The following CLASP2 variants were observed in gnomAD, a reference collection of about 807,000 sequenced individuals.
CLASP2 encodes the protein CLIP-associating protein 2.
Under a neutral mutation model 194.4 loss-of-function variants are expected in CLASP2, and 47 were observed. That is an observed-to-expected ratio of 0.24 (90% confidence interval 0.19 to 0.31). The LOEUF (loss-of-function observed/expected upper bound fraction) is 0.31. Ranked by LOEUF, CLASP2 falls within the 10% of genes least tolerant of loss-of-function variation. The probability of loss-of-function intolerance (pLI) is 1.00; values close to 1 mark genes in which losing one functional copy is unlikely to be tolerated. For missense variants in CLASP2, 1,445 were observed against 1,823.6 expected, an observed-to-expected ratio of 0.79 and a Z score of 3.78; for synonymous variants, 619 against 633.5, an observed-to-expected ratio of 0.98 and a Z score of 0.34.
chr3:33,674,797 T>C (rs2088178015), intron 6 of CLASP2, among the ~76,000 whole-genome samples: 1 of 152,258 alleles, frequency 6.6e-6, no homozygotes, highest in South Asian at 2.1e-4. Context: ...CATCAGAGCA[T>C]ACTACAAACA....
At chr3:33,581,978 A>G in intron 22 of CLASP2, 50 bp from the exon 23 acceptor site, 2 of 1,335,252 alleles carry the variant, frequency 1.5e-6, no homozygotes, top group Non-Finnish European at 1.1e-6. Context: ...AACAGAACAG[A>G]GTTTGCATTT....
At position 33,529,984 on chromosome 3, in the gene CLASP2, C is replaced by CAAAAAAA. The variant is rs1169927619; in HGVS notation, c.3787+5242_3787+5248dup. Among the ~76,000 whole-genome samples the CAAAAAAA allele has an allele frequency of 6.2e-5, 2 of 32,242 alleles. 1 individual carries two copies. The highest frequency in any genetic ancestry group is 2.1e-4 in the African/African-American group (2 of 9,666). 21.2% of individuals were successfully genotyped at this position (32,242 alleles called of 152,430 possible). A position where few individuals can be genotyped will look rare whatever the true frequency, so the allele number is the denominator to read the frequency against. Reference sequence around the variant, plus strand: ...TGGGCGACAGAGCGAGACTCCGTCTCAAAAAAAAAAAAAAAAAAAAAAAAA... The same window carrying CAAAAAAA: ...TGGGCGACAGAGCGAGACTCCGTCTCAAAAAAAAAAAAAAAAAAAAAAAAAAAAAAAA... On this transcript the variant is annotated intron_variant, in intron 34 of 38. Transcript: ENST00000682230.
intron 7 of CLASP2, among the ~76,000 whole-genome samples, chr3:33,662,048 GTCT>G (rs2085387322): frequency 5.9e-5 from 9 of 152,154 alleles, no homozygotes; most frequent in Admixed American, 3.3e-4. Flanking sequence ...AATCTTTGAA[GTCT>G]TCTTCAAAAA....
chr3:33,687,277 G>A (rs1168760533), intron 4 of CLASP2, 142 bp from the exon 5 acceptor site: 1 of 563,100 alleles, frequency 1.8e-6, no homozygotes, highest in Non-Finnish European at 3.2e-6. Context: ...TGAAGGATAT[G>A]AGACATAAGC....
intron 7 of CLASP2, among the ~76,000 whole-genome samples, chr3:33,653,913 C>T (rs1264825539): frequency 4.0e-5 from 6 of 151,602 alleles, no homozygotes; most frequent in Non-Finnish European, 7.4e-5. Context: ...AATAAAATAA[C>T]TCAAAAGGGT....
intron 13 of CLASP2, among the ~76,000 whole-genome samples, chr3:33,610,815 T>C (rs943801403): frequency 6.6e-6 from 1 of 152,244 alleles, no homozygotes; most frequent in Non-Finnish European, 1.5e-5. Context: ...AAGACAGAGA[T>C]GACTGAACAA....
intron 7 of CLASP2, among the ~76,000 whole-genome samples, chr3:33,661,587 T>C (rs185227903): frequency 5.9e-5 from 9 of 152,348 alleles, no homozygotes; most frequent in Non-Finnish European, 1.0e-4. Flanking sequence ...CTAAAATGGC[T>C]AAGACTGGAG....
chr3:33,593,172 A>G (rs2069243147), intron 20 of CLASP2, among the ~76,000 whole-genome samples: 1 of 152,108 alleles, frequency 6.6e-6, no homozygotes. Context: ...CCCCTCCACA[A>G]AACTAGGCCA....
intron 6 of CLASP2, among the ~76,000 whole-genome samples, chr3:33,670,986 A>T (rs931162200): frequency 1.3e-5 from 2 of 152,212 alleles, no homozygotes; most frequent in African/African-American, 4.8e-5. Flanking sequence ...CTGGGGTTTT[A>T]TCAGAGCCTA....
intron 9 of CLASP2, among the ~76,000 whole-genome samples, chr3:33,627,435 C>A (rs887828680): frequency 1.3e-5 from 2 of 152,076 alleles, no homozygotes; most frequent in African/African-American, 4.8e-5. Context: ...ATACATATTA[C>A]CCAATATTAC....
intron 8 of CLASP2, among the ~76,000 whole-genome samples, chr3:33,632,583 G>A (rs756951817): frequency 5.4e-5 from 8 of 149,416 alleles, no homozygotes; most frequent in Non-Finnish European, 8.9e-5. Context: ...TAGGCTAGGC[G>A]GGTTGTAATA....
At chr3:33,610,656 G>A (rs1279773499) in intron 13 of CLASP2, among the ~76,000 whole-genome samples, 1 of 152,174 alleles carries the variant, frequency 6.6e-6, no homozygotes, top group Non-Finnish European at 1.5e-5. Flanking sequence ...ACCACATACA[G>A]TCTCTGTCTC....
intron 34 of CLASP2, among the ~76,000 whole-genome samples, chr3:33,530,684 C>T (rs2056079339): frequency 6.6e-6 from 1 of 152,122 alleles, no homozygotes; most frequent in Non-Finnish European, 1.5e-5. Context: ...TTTTTAGCTC[C>T]ATTTTAATCT....
chr3:33,551,449 T>A, intron 29 of CLASP2, 54 bp from the exon 30 acceptor site: 2 of 1,518,298 alleles, frequency 1.3e-6, no homozygotes, highest in Non-Finnish European at 1.8e-6. Context: ...TGTGAGACAC[T>A]AGAGAACATT....
intron 7 of CLASP2, among the ~76,000 whole-genome samples, chr3:33,658,492 A>G (rs577436339): frequency 3.3e-5 from 5 of 152,362 alleles, no homozygotes; most frequent in South Asian, 2.1e-4. Flanking sequence ...ACTGACAATT[A>G]ACAATCATAT....
chr3:33,577,904 T>G (rs2065234731), intron 23 of CLASP2, among the ~76,000 whole-genome samples: 1 of 152,182 alleles, frequency 6.6e-6, no homozygotes, highest in South Asian at 2.1e-4. Flanking sequence ...GACACCAAAT[T>G]TGCTGGTTCT....
rs777618709 is a variant in CLASP2 at position 33,576,229 on chromosome 3, A to G, written c.2394T>C (p.Val798=). 4 of 1,613,908 alleles carry G rather than the reference A, an allele frequency of 2.5e-6. No homozygotes were observed. Among genetic ancestry groups the G allele is most frequent in the Non-Finnish European group, 3.4e-6 (4 of 1,179,812 alleles). The change falls in exon 24 of 39, where the codon GTT becomes GTC. Residue 798 remains valine (V), a synonymous_variant. Coordinates refer to ENST00000682230, the MANE Select transcript of CLASP2 (RefSeq NM_001365631.1). ...CTGTGTTCAGGACTCGCATGGCACT[A>G]ACAGAAGACGACAGTCGACTTGATT... ...ISQSSRLSSS[V]SAMRVLNTGS...
rs1195490569 is a variant in CLASP2 at position 33,707,229 on chromosome 3, G to A, written c.196-10296C>T. 2.0e-5 allele frequency among the ~76,000 whole-genome samples: 3 copies of A among 152,190 alleles called. No individual in the cohort carries two copies. The East Asian group carries it at 5.8e-4, about 29-fold the overall frequency. On this transcript the variant is annotated intron_variant, in intron 1 of 38. Coordinates refer to ENST00000682230, the MANE Select transcript of CLASP2 (RefSeq NM_001365631.1). ...GGGTCATGTCAAGATAGGACAGTTT[G>A]AATATCAAAAAGGATAGTAACTGCA... is the stretch of plus-strand genomic sequence containing the variant.
chr3:33,551,597 G>A (rs2060015617), intron 29 of CLASP2, among the ~76,000 whole-genome samples: 2 of 152,100 alleles, frequency 1.3e-5, no homozygotes, highest in Non-Finnish European at 2.9e-5. Context: ...GGGATTACAG[G>A]CATGAGCCAT....
Sources: gnomAD v4.1 joint callset for allele counts (sites outside exome capture counted in the v4.1 genomes callset) on GRCh38, gnomAD v4.1.1 for gene constraint, MANE v1.5 for transcripts, NCBI Gene and HGNC (gene_info 2026-07-23, HGNC 2026-07-21) for gene names.